Variants in SH3BP4 observed in about 807,000 individuals in gnomAD.
SH3BP4 encodes SH3 domain-binding protein 4.
In SH3BP4, 33 loss-of-function variants were observed where a neutral mutation model predicts 65.5. The ratio of observed to expected loss-of-function variants is 0.50; its 90% CI spans 0.38 to 0.67. The LOEUF (loss-of-function observed/expected upper bound fraction) is 0.67, where lower values mean the gene tolerates loss of function less well. Among genes scored for constraint, SH3BP4 ranks in the 30% least tolerant of loss-of-function variants. SH3BP4 has a pLI of 0.00. For missense variants in SH3BP4, 1,134 were observed against 1,261.4 expected (o/e 0.90, Z 1.53); for synonymous variants, 552 against 545.5 (o/e 1.01, Z -0.17).
At chr2:235,025,329 A>G (rs1278786898) in intron 2 of SH3BP4, among the ~76,000 whole-genome samples, 1 of 152,154 alleles carries the variant, frequency 6.6e-6, no homozygotes, top group Non-Finnish European at 1.5e-5. Context: ...GCGGACTTCC[A>G]GTCCCATCCA....
chr2:234,953,757 C>A (rs966765922), intron 1 of SH3BP4, among the ~76,000 whole-genome samples: 2 of 152,084 alleles, frequency 1.3e-5, no homozygotes, highest in Non-Finnish European at 2.9e-5. Context: ...CTCACCTGGC[C>A]GTCCTGCCCA....
In SH3BP4 at chr2:235,053,633, C is replaced by G. The variant is rs1358953953; in HGVS notation, c.2709C>G (p.Ser903Arg). 6.2e-7 allele frequency: 1 copy of G among 1,614,184 alleles called. No individual in the cohort carries two copies. The highest frequency in any genetic ancestry group is 2.2e-5 in the East Asian group (1 of 44,880). Residue 903 changes from serine (S) to arginine (R), a missense_variant, in exon 6 of 6, where the codon AGC becomes AGG. Transcript: ENST00000392011. ...CGTATGACTTCTTACTCACCTGGAG[C>G]CATCAGATCGGGGACAGCTACCGGG... The part of the protein sequence containing the change: ...KPAYDFLLTW[S>R]HQIGDSYRDV...
intron 1 of SH3BP4, among the ~76,000 whole-genome samples, chr2:234,973,386 A>C (rs1440485000): frequency 1.3e-5 from 2 of 151,986 alleles, no homozygotes; most frequent in Non-Finnish European, 2.9e-5. Flanking sequence ...TTTCCCTTCC[A>C]ATCTTCCTTG....
At chr2:234,961,326 C>T (rs1275915699) in intron 1 of SH3BP4, among the ~76,000 whole-genome samples, 2 of 152,172 alleles carry the variant, frequency 1.3e-5, no homozygotes. Flanking sequence ...GGCTGGAGTG[C>T]AGTGGTGCGA....
In SH3BP4 at chr2:235,040,980, T is replaced by C. The variant is rs1427767746; in HGVS notation, c.211T>C (p.Phe71Leu). ...IAIKDYCPTN[F>L]TTLKFSKGDH... ...GATCAAGGACTATTGCCCCACCAAC[T>C]TCACCACACTGAAGTTCTCCAAGGG... The change falls in exon 4 of 6, where the codon TTC becomes CTC. Residue 71 changes from phenylalanine (F) to leucine (L), a missense_variant. Transcript: ENST00000392011. 2 of 1,614,058 alleles carry C rather than the reference T, an allele frequency of 1.2e-6. No individual in the cohort carries two copies. The highest frequency in any genetic ancestry group is 3.3e-5 in the Admixed American group (2 of 60,000).
intron 2 of SH3BP4, among the ~76,000 whole-genome samples, chr2:235,008,310 G>A (rs1694366786): frequency 6.6e-6 from 1 of 152,214 alleles, no homozygotes; most frequent in Non-Finnish European, 1.5e-5. Flanking sequence ...CTTTGATGCA[G>A]CTGGGGCTCT....
chr2:234,986,473 T>A (rs1693562949), intron 1 of SH3BP4, among the ~76,000 whole-genome samples: 1 of 152,218 alleles, frequency 6.6e-6, no homozygotes, highest in South Asian at 2.1e-4. Context: ...TAACCTGCCA[T>A]GGGAAAAGGA....
At chr2:235,038,304 T>TATA (rs1553567340) in intron 3 of SH3BP4, among the ~76,000 whole-genome samples, 406 of 13,384 alleles carry the variant, frequency 0.03, 11 homozygotes, top group African/African-American at 0.071. Context: ...ATATATTATA[T>TATA]ATATATATTA....
chr2:234,967,972 C>A lies in SH3BP4; in HGVS notation c.-207+15802C>A, dbSNP rs1692882634. Among the ~76,000 whole-genome samples, 1 of 152,118 alleles carries A rather than the reference C, an allele frequency of 6.6e-6. No homozygotes were observed. Among genetic ancestry groups the A allele is most frequent in the South Asian group, 2.1e-4 (1 of 4,820 alleles). ...AGCTCCCACCCAGATGGTGAAGGCA[C>A]CTGCTGGGTTTCCTGCCACCTGTGG... On this transcript the variant is annotated intron_variant, in intron 1 of 5. Transcript: ENST00000392011. The surrounding 1 kb of genome is among the most constrained non-coding windows in gnomAD (Gnocchi z 4.6).
chr2:234,987,403 C>T (rs1400293884), intron 1 of SH3BP4, among the ~76,000 whole-genome samples: 2 of 152,026 alleles, frequency 1.3e-5, no homozygotes, highest in Admixed American at 1.3e-4. Context: ...GAGAAACCCA[C>T]ATGAACTTGA....
intron 2 of SH3BP4, among the ~76,000 whole-genome samples, chr2:235,006,894 G>A (rs913532746): frequency 5.3e-5 from 8 of 152,106 alleles, no homozygotes; most frequent in African/African-American, 1.7e-4. Flanking sequence ...CTGGTGTTTA[G>A]TGAAGAAGAT....
In SH3BP4 at chr2:235,047,312, G is replaced by A. The variant is rs911711445; in HGVS notation, c.2478+4065G>A. 8.5e-5 allele frequency among the ~76,000 whole-genome samples: 13 copies of A among 152,312 alleles called. No homozygotes were observed. The East Asian group carries it at 2.3e-3, about 27-fold the overall frequency. Reference sequence around the variant, plus strand: ...GGGGTCCCATGTACAAAAAATGGTGGCAGTGGCATGATTCAAGGGTAGGGT... The same window carrying A: ...GGGGTCCCATGTACAAAAAATGGTGACAGTGGCATGATTCAAGGGTAGGGT... On this transcript the variant is annotated intron_variant, in intron 4 of 5. Coordinates refer to ENST00000392011, the MANE Select transcript of SH3BP4 (RefSeq NM_014521.3).
At chr2:235,053,220 G>A (rs1359514501) in intron 5 of SH3BP4, among the ~76,000 whole-genome samples, 3 of 152,270 alleles carry the variant, frequency 2.0e-5, no homozygotes, top group South Asian at 2.1e-4. Context: ...CCTGGAAGAC[G>A]GTTCAGGCTT....
chr2:234,954,618 G>A (rs1193874381), intron 1 of SH3BP4, among the ~76,000 whole-genome samples: 8 of 152,214 alleles, frequency 5.3e-5, no homozygotes, highest in African/African-American at 1.9e-4. Flanking sequence ...TAATCCGGCA[G>A]CCTGGAATTA....
chr2:235,040,901 T>C lies in SH3BP4; in HGVS notation c.132T>C (p.Ser44=). 1.9e-6 allele frequency: 3 copies of C among 1,610,924 alleles called. No homozygotes were observed. The highest frequency in any genetic ancestry group is 1.7e-6 in the Non-Finnish European group (2 of 1,177,262). ...SFNDIKVPSP[S]ALLVDNPTPF... ...TGTTTTGCACAGTGCCTTCTCCCAG[T>C]GCCTTGCTCGTAGACAACCCCACAC... Residue 44 remains serine (S), a synonymous_variant, in exon 4 of 6, where the codon AGT becomes AGC. Transcript: ENST00000392011.
chr2:235,031,295 T>C (rs1695194838), intron 2 of SH3BP4, among the ~76,000 whole-genome samples: 2 of 152,150 alleles, frequency 1.3e-5, no homozygotes, highest in African/African-American at 4.8e-5. Flanking sequence ...ACACTTTAGC[T>C]TTTTGTCTCA....
At chr2:235,036,945 A>G (rs1695405348) in intron 3 of SH3BP4, among the ~76,000 whole-genome samples, 3 of 152,062 alleles carry the variant, frequency 2.0e-5, no homozygotes, top group South Asian at 4.2e-4. Context: ...ATTCTGGGGA[A>G]TCTACCTCCG....
chr2:235,028,727 A>G (rs1354077592), intron 2 of SH3BP4, among the ~76,000 whole-genome samples: 1 of 152,094 alleles, frequency 6.6e-6, no homozygotes, highest in Non-Finnish European at 1.5e-5. Flanking sequence ...GAGAAAGAGG[A>G]TGGGGTGAGG....
chr2:235,026,164 A>G lies in SH3BP4; in HGVS notation c.-132-8707A>G, dbSNP rs1372902102. ...AGAGGAGAGGGGAGGCAGGAAAGGG[A>G]GGAGGCCAGGTAAGAAGCTCAGGCC... On this transcript the variant is annotated intron_variant, in intron 2 of 5. Transcript: ENST00000392011. The surrounding 1 kb of genome is among the most constrained non-coding windows in gnomAD (Gnocchi z 4.6). Among the ~76,000 whole-genome samples the G allele has an allele frequency of 6.6e-6, 1 of 152,056 alleles. No homozygotes were observed. Among genetic ancestry groups the G allele is most frequent in the African/African-American group, 2.4e-5 (1 of 41,396 alleles).
Sources: gnomAD v4.1 joint callset for allele counts (sites outside exome capture counted in the v4.1 genomes callset) on GRCh38, gnomAD v4.1.1 for gene constraint, Gnocchi (gnomAD v3.1) non-coding constraint, MANE v1.5 for transcripts, NCBI Gene and HGNC (gene_info 2026-07-23, HGNC 2026-07-21) for gene names.